GABRB1: variants seen among roughly 807,000 people sequenced by gnomAD.
The protein encoded by GABRB1 is gamma-aminobutyric acid receptor subunit beta-1.
A neutral mutation model predicts 51.6 loss-of-function variants in GABRB1; 17 were observed. The ratio of observed to expected loss-of-function variants is 0.33; its 90% CI spans 0.23 to 0.49. GABRB1 has a LOEUF of 0.49. Ranked by LOEUF, GABRB1 falls within the 20% of genes least tolerant of loss-of-function variation. GABRB1 has a pLI of 0.99. For missense variants in GABRB1, 410 were observed against 600.6 expected (o/e 0.68, Z 3.32); for synonymous variants, 247 against 218.9 (o/e 1.13, Z -1.14).
In GABRB1 at chr4:47,425,824, C is replaced by T; in HGVS notation, c.1231C>T (p.Arg411Cys). The change falls in exon 9 of 9, where the codon CGC becomes TGC. Residue 411 changes from arginine to cysteine, a missense_variant. Around this residue, in one of 5 missense-constraint regions of GABRB1, gnomAD observed 181 missense variants for 195.6 expected, o/e 0.93. Transcript: ENST00000295454. ...CCAGTACCGCAAGCCCCTGAGCAGC[C>T]GCGAGGCCTACGGGCGCGCCCTGGA... Reference protein sequence around the residue: ...SIQYRKPLSSREAYGRALDRH... With the variant: ...SIQYRKPLSSCEAYGRALDRH... The T allele has an allele frequency of 6.2e-7, 1 of 1,614,106 alleles. No homozygotes were observed. Among genetic ancestry groups the T allele is most frequent in the Non-Finnish European group, 8.5e-7 (1 of 1,180,012 alleles).
At chr4:47,045,991 G>A (rs1726067118) in intron 3 of GABRB1, among the ~76,000 whole-genome samples, 1 of 152,050 alleles carries the variant, frequency 6.6e-6, no homozygotes, top group South Asian at 2.1e-4. Context: ...GGGAGCCAGT[G>A]GGAAGTGACT....
intron 3 of GABRB1, among the ~76,000 whole-genome samples, chr4:47,126,276 G>A (rs1418757586): frequency 6.6e-6 from 1 of 152,132 alleles, no homozygotes; most frequent in Non-Finnish European, 1.5e-5. Flanking sequence ...CAAGTTGGGG[G>A]CAAAGATGTT....
At chr4:47,357,099 TTC>T (rs1726611974) in intron 5 of GABRB1, among the ~76,000 whole-genome samples, 1 of 152,220 alleles carries the variant, frequency 6.6e-6, no homozygotes, top group Admixed American at 6.5e-5. Context: ...TTCAATACCT[TTC>T]TTTCTTGTAA....
chr4:47,032,843 C>A (rs764068296), intron 3 of GABRB1: 17 of 438,004 alleles, frequency 3.9e-5, no homozygotes, highest in Middle Eastern at 3.8e-4. Context: ...GCACTAGGGT[C>A]CCCGGACCGG....
At chr4:47,016,994 T>C (rs1438539602) in intron 1 of GABRB1, among the ~76,000 whole-genome samples, 1 of 152,172 alleles carries the variant, frequency 6.6e-6, no homozygotes, top group East Asian at 1.9e-4. Context: ...TAATTAGAAA[T>C]TTTAACTTTT....
intron 3 of GABRB1, among the ~76,000 whole-genome samples, chr4:47,126,091 A>G (rs994004882): frequency 1.3e-5 from 2 of 152,032 alleles, no homozygotes; most frequent in African/African-American, 4.8e-5. Flanking sequence ...TACACACACA[A>G]TGCAATATTA....
At chr4:47,137,926 T>C (rs1399525804) in intron 3 of GABRB1, among the ~76,000 whole-genome samples, 1 of 152,130 alleles carries the variant, frequency 6.6e-6, no homozygotes. Context: ...GAAGTAGAAA[T>C]ATTCCACAGA....
At chr4:47,350,446 C>T (rs1726285607) in intron 5 of GABRB1, among the ~76,000 whole-genome samples, 1 of 151,618 alleles carries the variant, frequency 6.6e-6, no homozygotes, top group Non-Finnish European at 1.5e-5. Context: ...GAGCTTGATC[C>T]TAGCTTTGCC....
Position 47,328,756 on chromosome 4 carries a change from G to T in GABRB1, c.544+8547G>T, listed in dbSNP as rs368073116. 1.9e-3 allele frequency among the ~76,000 whole-genome samples: 288 copies of T among 152,078 alleles called. 10 individuals are homozygous for T. In the South Asian group the frequency reaches 0.058, roughly 31 times the overall value. ...CACAGGAAGGGGAACATCATACACT[G>T]GGGCCTGTTGTGGGGAGGGGGGAGC... On this transcript the variant is annotated intron_variant, in intron 5 of 8. Transcript: ENST00000295454.
chr4:47,191,493 A>G (rs1396764349), intron 4 of GABRB1, among the ~76,000 whole-genome samples: 2 of 152,128 alleles, frequency 1.3e-5, no homozygotes, highest in African/African-American at 4.8e-5. Flanking sequence ...AGTGAAATAC[A>G]TGGATTATGG....
chr4:47,166,042 C>T lies in GABRB1; in HGVS notation c.461+4573C>T, dbSNP rs77699437. On this transcript the variant is annotated intron_variant, in intron 4 of 8. Coordinates refer to ENST00000295454, the MANE Select transcript of GABRB1 (RefSeq NM_000812.4). ...CTATCTGTCACTTCCTGGCCCATTT[C>T]CTATCTCAATTTTTCTCATTATTGC... 3.2e-4 allele frequency among the ~76,000 whole-genome samples: 48 copies of T among 152,100 alleles called. 2 individuals carry two copies. In the East Asian group the frequency reaches 9.3e-3, roughly 29 times the overall value.
At chr4:47,225,158 G>C (rs531966112) in intron 4 of GABRB1, among the ~76,000 whole-genome samples, 6 of 152,214 alleles carry the variant, frequency 3.9e-5, no homozygotes, top group South Asian at 4.2e-4. Context: ...GCCTCCCAAA[G>C]TGCTGGGATT....
intron 5 of GABRB1, among the ~76,000 whole-genome samples, chr4:47,367,282 T>A: frequency 6.6e-6 from 1 of 152,230 alleles, no homozygotes; most frequent in East Asian, 1.9e-4. Flanking sequence ...TGTCTCCCAA[T>A]AGCTTAGAAG....
At chr4:47,384,837 C>A (rs1459598542) in intron 5 of GABRB1, among the ~76,000 whole-genome samples, 2 of 152,148 alleles carry the variant, frequency 1.3e-5, no homozygotes, top group African/African-American at 4.8e-5. Flanking sequence ...CTTTTCTACA[C>A]TAGGCCTGAT....
Position 47,266,578 on chromosome 4 carries a change from G to T in GABRB1, c.462-53549G>T, listed in dbSNP as rs1722651564. On this transcript the variant is annotated intron_variant, in intron 4 of 8. Transcript: ENST00000295454. The stretch of plus-strand genomic sequence containing the variant: ...GCAGGTTGTTTAATTTCATATATTG[G>T]TATAGTTTTGAGAGTTCCTCGTGGA... Among the ~76,000 whole-genome samples, 4 of 152,062 alleles carry T rather than the reference G, an allele frequency of 2.6e-5. No individual in the cohort carries two copies. In the South Asian group the frequency reaches 8.3e-4, roughly 31 times the overall value.
At position 47,306,673 on chromosome 4, in the gene GABRB1, A is replaced by G. The variant is rs1005202616; in HGVS notation, c.462-13454A>G. Among the ~76,000 whole-genome samples the G allele has an allele frequency of 2.6e-5, 4 of 152,108 alleles. No homozygotes were observed. In the East Asian group the frequency reaches 5.8e-4, roughly 22 times the overall value. ...TGCTACACATATGTGATTCCCTAAG[A>G]CATATATGCTAATGTTTCATTCTTA... is the stretch of plus-strand genomic sequence containing the variant. On this transcript the variant is annotated intron_variant, in intron 4 of 8. Coordinates refer to ENST00000295454, the MANE Select transcript of GABRB1 (RefSeq NM_000812.4).
chr4:47,077,410 T>C (rs1727604992), intron 3 of GABRB1, among the ~76,000 whole-genome samples: 1 of 152,186 alleles, frequency 6.6e-6, no homozygotes, highest in East Asian at 1.9e-4. Flanking sequence ...GGCCTTATCA[T>C]CTACCTGCAG....
chr4:47,299,735 A>C (rs1216705162), intron 4 of GABRB1, among the ~76,000 whole-genome samples: 1 of 152,132 alleles, frequency 6.6e-6, no homozygotes, highest in Non-Finnish European at 1.5e-5. Context: ...CCATCCCATT[A>C]CTGGGTATAT....
chr4:47,391,256 C>G (rs1351685588), intron 5 of GABRB1, among the ~76,000 whole-genome samples: 1 of 152,158 alleles, frequency 6.6e-6, no homozygotes, highest in Non-Finnish European at 1.5e-5. Flanking sequence ...GCCTTGAACA[C>G]TAAGCCTAAT....
Sources: gnomAD v4.1 joint callset for allele counts (sites outside exome capture counted in the v4.1 genomes callset) on GRCh38, gnomAD v4.1.1 for gene constraint, gnomAD v4.1.1 regional missense constraint, MANE v1.5 for transcripts, NCBI Gene and HGNC (gene_info 2026-07-23, HGNC 2026-07-21) for gene names.